The following KCNIP4 variants were observed in gnomAD, a reference collection of about 807,000 sequenced individuals.
The protein encoded by KCNIP4 is potassium voltage-gated channel interacting protein 4, also known as Kv channel-interacting protein 4.
In KCNIP4, 12 loss-of-function variants were observed where a neutral mutation model predicts 34.0. The ratio of observed to expected loss-of-function variants is 0.35; its 90% CI spans 0.23 to 0.57. The LOEUF is 0.57. KCNIP4 is among the 20% of genes least tolerant of loss of function. The pLI is 0.83. For missense variants in KCNIP4, 238 were observed against 311.7 expected, an observed-to-expected ratio of 0.76 and a Z score of 1.78; for synonymous variants, 124 against 102.2, an observed-to-expected ratio of 1.21 and a Z score of -1.29.
chr4:21,748,381 G>T (rs564929515), intron 1 of KCNIP4, among the ~76,000 whole-genome samples: 24 of 152,048 alleles, frequency 1.6e-4, no homozygotes, highest in Non-Finnish European at 3.1e-4. Flanking sequence ...CAAAGGAAAT[G>T]GTATACCTAA....
At chr4:21,282,912 T>C (rs934151586) in intron 1 of KCNIP4, among the ~76,000 whole-genome samples, 3 of 152,112 alleles carry the variant, frequency 2.0e-5, no homozygotes, top group Admixed American at 2.0e-4. Flanking sequence ...GCACACAAAA[T>C]AGCCAAAAAG....
At chr4:21,892,849 T>C (rs1727184496) in intron 1 of KCNIP4, among the ~76,000 whole-genome samples, 1 of 152,172 alleles carries the variant, frequency 6.6e-6, no homozygotes, top group Non-Finnish European at 1.5e-5. Context: ...TTATTCCCAC[T>C]ACCCTACAGA....
chr4:21,330,078 T>C (rs2109321567), intron 1 of KCNIP4, among the ~76,000 whole-genome samples: 1 of 152,300 alleles, frequency 6.6e-6, no homozygotes, highest in East Asian at 1.9e-4. Flanking sequence ...GTCTAGTATA[T>C]CTAATTATAT....
chr4:21,261,151 G>A (rs1761443397), intron 1 of KCNIP4, among the ~76,000 whole-genome samples: 1 of 152,126 alleles, frequency 6.6e-6, no homozygotes, highest in Non-Finnish European at 1.5e-5. Context: ...TAGAAGGCTT[G>A]ATTATAAAAT....
chr4:21,636,215 A>G (rs891355248), intron 1 of KCNIP4, among the ~76,000 whole-genome samples: 2 of 151,278 alleles, frequency 1.3e-5, no homozygotes, highest in African/African-American at 4.9e-5. Flanking sequence ...GGTGCAGCGC[A>G]CCAGCATGGG....
chr4:20,996,014 C>A (rs1279868022), intron 1 of KCNIP4, among the ~76,000 whole-genome samples: 1 of 152,192 alleles, frequency 6.6e-6, no homozygotes, highest in Non-Finnish European at 1.5e-5. Flanking sequence ...GGGAGTGTTG[C>A]ATGGAGTCTG....
chr4:21,678,375 A>G (rs1248001917), intron 1 of KCNIP4, among the ~76,000 whole-genome samples: 1 of 142,678 alleles, frequency 7.0e-6, no homozygotes, highest in Non-Finnish European at 1.5e-5. Context: ...TGGACCATGC[A>G]AAAAAACAGC....
At chr4:21,417,283 G>T (rs549209920) in intron 1 of KCNIP4, among the ~76,000 whole-genome samples, 1 of 152,188 alleles carries the variant, frequency 6.6e-6, no homozygotes, top group South Asian at 2.1e-4. Flanking sequence ...AGGTGTGTGT[G>T]TGTGTGTGTG....
At position 20,968,582 on chromosome 4, in the gene KCNIP4, G is replaced by A. The variant is rs1292805228; in HGVS notation, c.62-85873C>T. Among the ~76,000 whole-genome samples the A allele has an allele frequency of 3.3e-5, 5 of 152,142 alleles. No individual in the cohort carries two copies. The East Asian group carries it at 9.7e-4, about 29-fold the overall frequency. ...GAAAATGTGGCACATATACACCATG[G>A]AATACTATGCAGCCATAAAAAAGGA... On this transcript the variant is annotated intron_variant, in intron 1 of 8. Transcript: ENST00000382152.
chr4:21,864,484 A>T (rs1475529971), intron 1 of KCNIP4, among the ~76,000 whole-genome samples: 1 of 152,224 alleles, frequency 6.6e-6, no homozygotes, highest in Non-Finnish European at 1.5e-5. Flanking sequence ...AGCAATGAGA[A>T]GATGTTCATT....
intron 1 of KCNIP4, among the ~76,000 whole-genome samples, chr4:21,380,464 A>AGAGG (rs1721393691): frequency 9.3e-6 from 1 of 107,324 alleles, no homozygotes; most frequent in Non-Finnish European, 1.9e-5. Context: ...AGGGGGAGAG[A>AGAGG]GAGAGAGAGA....
At chr4:21,058,721 T>C (rs1009195020) in intron 1 of KCNIP4, among the ~76,000 whole-genome samples, 1 of 152,118 alleles carries the variant, frequency 6.6e-6, no homozygotes, top group African/African-American at 2.4e-5. Flanking sequence ...TTACCCAAAC[T>C]TTTTTCTATA....
chr4:21,022,793 A>C (rs1740191749), intron 1 of KCNIP4, among the ~76,000 whole-genome samples: 1 of 152,160 alleles, frequency 6.6e-6, no homozygotes, highest in Admixed American at 6.5e-5. Context: ...AATGTGTCTT[A>C]TACTGCTATC....
chr4:21,651,323 T>G lies in KCNIP4; in HGVS notation c.61+297248A>C, dbSNP rs558074266. 5.3e-5 allele frequency among the ~76,000 whole-genome samples: 8 copies of G among 152,286 alleles called. No individual in the cohort carries two copies. In the East Asian group the frequency reaches 1.5e-3, roughly 29 times the overall value. ...AGTAAGCTGCTATCTTCAGGAGGGC[T>G]GGACAGAGAAGGCAAGGAGAGGGCA... On this transcript the variant is annotated intron_variant, in intron 1 of 8. Coordinates refer to ENST00000382152, the MANE Select transcript of KCNIP4 (RefSeq NM_025221.6).
rs139373615 is a variant in KCNIP4 at position 21,793,226 on chromosome 4, T to C, written c.61+155345A>G. Among the ~76,000 whole-genome samples, 1,280 of 152,326 alleles carry C rather than the reference T, an allele frequency of 8.4e-3. 13 individuals carry two copies. The highest frequency in any genetic ancestry group is 0.028 in the South Asian group (133 of 4,826). On this transcript the variant is annotated intron_variant, in intron 1 of 8. Transcript: ENST00000382152. ...CTTCAGGAGGAATTATCATGAAACCTGTGCACATTGACACGTTCTGGACAA... is the reference window on the plus strand; with the variant it reads ...CTTCAGGAGGAATTATCATGAAACCCGTGCACATTGACACGTTCTGGACAA...
intron 1 of KCNIP4, among the ~76,000 whole-genome samples, chr4:21,431,836 A>G (rs1004782321): frequency 1.3e-5 from 2 of 150,916 alleles, no homozygotes; most frequent in Non-Finnish European, 2.9e-5. Flanking sequence ...AGAAACACAG[A>G]TAGGGAACAT....
Position 21,281,034 on chromosome 4 carries a change from T to A in KCNIP4, c.62-398325A>T, listed in dbSNP as rs150764352. Among the ~76,000 whole-genome samples the A allele has an allele frequency of 4.5e-3, 691 of 151,916 alleles. 3 individuals carry two copies. Among genetic ancestry groups the A allele is most frequent in the African/African-American group, 0.016 (668 of 41,464 alleles). ...CAATTCTATAAGATACGCTTTATCCTCTCTATAATAGTTTAAATGATCTAT... is the reference window on the plus strand; with the variant it reads ...CAATTCTATAAGATACGCTTTATCCACTCTATAATAGTTTAAATGATCTAT... On this transcript the variant is annotated intron_variant, in intron 1 of 8. Transcript: ENST00000382152.
intron 1 of KCNIP4, among the ~76,000 whole-genome samples, chr4:21,229,084 T>C (rs1363867295): frequency 6.6e-6 from 1 of 152,220 alleles, no homozygotes; most frequent in Non-Finnish European, 1.5e-5. Context: ...GTTTTCCACA[T>C]GGATCCTGGA....
intron 3 of KCNIP4, among the ~76,000 whole-genome samples, chr4:20,846,548 T>TA (rs1720403778): frequency 2.0e-5 from 3 of 152,176 alleles, no homozygotes; most frequent in Non-Finnish European, 4.4e-5. Flanking sequence ...ATATTTTTAA[T>TA]AGATTAAGGA....
Sources: allele counts gnomAD v4.1 joint callset (sites outside exome capture counted in the v4.1 genomes callset), GRCh38; gene constraint gnomAD v4.1.1; transcripts MANE v1.5; gene names NCBI Gene and HGNC (gene_info 2026-07-23, HGNC 2026-07-21).